TRAPPC9: variants seen among roughly 807,000 people sequenced by gnomAD.
TRAPPC9 encodes the protein IKK2 binding protein.
In TRAPPC9, 83 loss-of-function variants were observed where a neutral mutation model predicts 124.0. That is an observed-to-expected ratio of 0.67 (90% CI 0.56 to 0.80). The LOEUF is 0.80. Ranked by LOEUF, TRAPPC9 falls within the 30% of genes least tolerant of loss-of-function variation. TRAPPC9 has a pLI of 0.00. For missense variants in TRAPPC9, 1,302 were observed against 1,508.3 expected (o/e 0.86, Z 2.27); for synonymous variants, 638 against 617.5 (o/e 1.03, Z -0.49).
At chr8:140,209,243 T>C (rs116308087) in intron 17 of TRAPPC9, among the ~76,000 whole-genome samples, 1 of 152,302 alleles carries the variant, frequency 6.6e-6, no homozygotes, top group African/African-American at 2.4e-5. Flanking sequence ...TTGCTGCTTG[T>C]CTCTTCTGCT....
chr8:139,741,702 G>A (rs1313733036), intron 21 of TRAPPC9, among the ~76,000 whole-genome samples: 1 of 151,988 alleles, frequency 6.6e-6, no homozygotes, highest in East Asian at 1.9e-4. Flanking sequence ...CCAGCCCTGG[G>A]CAACCCAGTA....
chr8:140,347,153 G>C (rs2067373678), intron 9 of TRAPPC9, among the ~76,000 whole-genome samples: 1 of 152,206 alleles, frequency 6.6e-6, no homozygotes, highest in Non-Finnish European at 1.5e-5. Flanking sequence ...ATTAGAGCGG[G>C]AGGCTGGGAG....
chr8:140,270,754 G>C (rs192689319), intron 15 of TRAPPC9, among the ~76,000 whole-genome samples: 3 of 152,344 alleles, frequency 2.0e-5, no homozygotes, highest in Non-Finnish European at 4.4e-5. Context: ...GGGGAGGAAA[G>C]GGTGTGTCTA....
chr8:139,737,989 C>T (rs939326893), intron 21 of TRAPPC9, among the ~76,000 whole-genome samples: 9 of 152,178 alleles, frequency 5.9e-5, no homozygotes, highest in African/African-American at 1.7e-4. Context: ...AGCTCTGTGC[C>T]GGATGCAATT....
chr8:140,448,226 T>C (rs2071337771), intron 2 of TRAPPC9, among the ~76,000 whole-genome samples: 1 of 151,964 alleles, frequency 6.6e-6, no homozygotes. Context: ...GAGGAGGATG[T>C]ATTTGATTTG....
intron 18 of TRAPPC9, among the ~76,000 whole-genome samples, chr8:140,004,659 A>G (rs1838631571): frequency 6.6e-6 from 1 of 152,210 alleles, no homozygotes; most frequent in Non-Finnish European, 1.5e-5. Flanking sequence ...GGTTGCTGTC[A>G]GTGGAGCTGC....
chr8:139,909,667 G>A lies in TRAPPC9; in HGVS notation c.2964+480C>T, dbSNP rs528662867. 4.6e-5 allele frequency among the ~76,000 whole-genome samples: 7 copies of A among 152,370 alleles called. No homozygotes were observed. The East Asian group carries it at 1.3e-3, about 29-fold the overall frequency. On this transcript the variant is annotated intron_variant, in intron 20 of 22. Transcript: ENST00000438773. ...ATCCAAAGTTCAGACCAGGCTCAGT[G>A]ACTGTGTGAAACACTGTGTTATAGC...
chr8:140,060,353 C>T (rs1021498819), intron 17 of TRAPPC9, among the ~76,000 whole-genome samples: 3 of 152,206 alleles, frequency 2.0e-5, no homozygotes, highest in African/African-American at 7.2e-5. Flanking sequence ...GCAGGAGTTT[C>T]ACTCTCCATG....
At chr8:140,372,117 C>T (rs1197263748) in intron 7 of TRAPPC9, among the ~76,000 whole-genome samples, 1 of 152,200 alleles carries the variant, frequency 6.6e-6, no homozygotes, top group Non-Finnish European at 1.5e-5. Context: ...CTCAGGGACA[C>T]ATTAATCACC....
intron 21 of TRAPPC9, among the ~76,000 whole-genome samples, chr8:139,764,991 G>A (rs1820491833): frequency 6.6e-6 from 1 of 152,170 alleles, no homozygotes; most frequent in Non-Finnish European, 1.5e-5. Context: ...CCAGGGCACA[G>A]TAGGTCTTCA....
At chr8:139,773,788 T>C (rs1426034324) in intron 21 of TRAPPC9, among the ~76,000 whole-genome samples, 1 of 152,236 alleles carries the variant, frequency 6.6e-6, no homozygotes, top group Non-Finnish European at 1.5e-5. Flanking sequence ...CATGCATTCA[T>C]TCATCCAGCG....
At chr8:139,752,523 CCCATCCATCCATCCATCCA>C (rs1236671267) in intron 21 of TRAPPC9, among the ~76,000 whole-genome samples, 2 of 149,162 alleles carry the variant, frequency 1.3e-5, no homozygotes, top group Non-Finnish European at 3.0e-5. Flanking sequence ...CCAACATCTA[CCCATCCATCCATCCATCCA>C]CCATCCATCT....
intron 20 of TRAPPC9, among the ~76,000 whole-genome samples, chr8:139,903,431 C>T (rs1831144984): frequency 6.6e-6 from 1 of 152,164 alleles, no homozygotes; most frequent in Non-Finnish European, 1.5e-5. Context: ...CCTACTCCAG[C>T]TCACACAGCT....
chr8:139,934,699 A>C (rs527375843), intron 19 of TRAPPC9, among the ~76,000 whole-genome samples: 84 of 152,270 alleles, frequency 5.5e-4, no homozygotes, highest in African/African-American at 2.0e-3. Flanking sequence ...ATCCCTGCAG[A>C]CTGGGGAAGG....
In TRAPPC9 at chr8:140,291,296, C is replaced by T. The variant is rs151051889; in HGVS notation, c.1769-218G>A. 1.2e-4 allele frequency: 75 copies of T among 618,364 alleles called. No individual in the cohort carries two copies. The East Asian group carries it at 1.6e-3, about 13-fold the overall frequency. The allele number at this position is 618,364 out of a possible 1,614,324, so 38.3% of individuals were successfully genotyped here. ...TGGCACTTTGATGCCACATGAATGGCGCTTGTCACTGCCTTCGGCGGGCTG... is the reference window on the plus strand; with the variant it reads ...TGGCACTTTGATGCCACATGAATGGTGCTTGTCACTGCCTTCGGCGGGCTG... On this transcript the variant is annotated intron_variant, in intron 11 of 22. Coordinates refer to ENST00000438773, the MANE Select transcript of TRAPPC9 (RefSeq NM_001160372.4).
intron 8 of TRAPPC9, among the ~76,000 whole-genome samples, chr8:140,363,342 G>T (rs917433328): frequency 3.3e-5 from 5 of 152,146 alleles, no homozygotes; most frequent in African/African-American, 1.2e-4. Context: ...TCAAGAAAAA[G>T]AATACATTTT....
chr8:140,282,222 G>A lies in TRAPPC9; in HGVS notation c.2114+1667C>T, dbSNP rs529957424. 9.8e-5 allele frequency among the ~76,000 whole-genome samples: 15 copies of A among 152,286 alleles called. No homozygotes were observed. The East Asian group carries it at 2.9e-3, about 29-fold the overall frequency. ...TCGTAAGTGCAAAAATTAAGAACAG[G>A]CTGGATGTGGTAGCTTGTGCCTATA... is the stretch of plus-strand genomic sequence containing the variant. On this transcript the variant is annotated intron_variant, in intron 14 of 22. Transcript: ENST00000438773.
At chr8:139,803,219 G>C (rs1318799297) in intron 21 of TRAPPC9, among the ~76,000 whole-genome samples, 2 of 152,150 alleles carry the variant, frequency 1.3e-5, no homozygotes, top group Admixed American at 6.5e-5. Flanking sequence ...TGTATGTGAA[G>C]GTGTATGTCT....
chr8:140,448,070 C>T (rs998956044), intron 2 of TRAPPC9, among the ~76,000 whole-genome samples: 1 of 149,810 alleles, frequency 6.7e-6, no homozygotes, highest in African/African-American at 2.5e-5. Flanking sequence ...CGCTTGAGCC[C>T]AGGAGGTGGA....
Sources: allele counts gnomAD v4.1 joint callset (sites outside exome capture counted in the v4.1 genomes callset), GRCh38; gene constraint gnomAD v4.1.1; transcripts MANE v1.5; gene names NCBI Gene and HGNC (gene_info 2026-07-23, HGNC 2026-07-21).